The following WDR59 variants were observed in gnomAD, a reference collection of about 807,000 sequenced individuals.
WDR59 encodes the protein WD repeat domain 59.
Under a neutral mutation model 131.2 loss-of-function variants are expected in WDR59, and 100 were observed. The observed-to-expected ratio is 0.76, with a 90% confidence interval of 0.65 to 0.90. The LOEUF (loss-of-function observed/expected upper bound fraction) is 0.90, where lower values mean the gene tolerates loss of function less well. Among genes scored for constraint, WDR59 ranks in the 40% least tolerant of loss-of-function variants. The pLI is 0.00. For missense variants in WDR59, 1,203 were observed against 1,262.2 expected (o/e 0.95, Z 0.71); for synonymous variants, 601 against 466.2 (o/e 1.29, Z -3.72).
At position 74,885,789 on chromosome 16, in the gene WDR59, C is replaced by G; in HGVS notation, c.2553G>C (p.Leu851=). 1 of 1,609,836 alleles carries G rather than the reference C, an allele frequency of 6.2e-7. No individual in the cohort carries two copies. Among genetic ancestry groups the G allele is most frequent in the Non-Finnish European group, 8.5e-7 (1 of 1,179,092 alleles). ...CAAATTGCTGGGTATTGGCGGGGTC[C>G]AGGAGCCTGGATAAAGTTAAAAAGA... ...RDQHDKNKRL[L]DPANTQQFDD... The change falls in exon 25 of 26, where the codon CTG becomes CTC. Residue 851 remains leucine, a synonymous_variant. Transcript: ENST00000262144.
At chr16:74,981,625 T>TATATACATATATATATATATAC (rs1406680155) in intron 1 of WDR59, among the ~76,000 whole-genome samples, 1 of 1,318 alleles carries the variant, frequency 7.6e-4, no homozygotes, top group African/African-American at 1.3e-3. Flanking sequence ...TATATATATA[T>TATATACATATATATATATATAC]ATATATATAT....
intron 17 of WDR59, among the ~76,000 whole-genome samples, chr16:74,907,351 T>C (rs4887789): frequency 0.36 from 54,490 of 152,044 alleles, 9,795 homozygotes; most frequent in Middle Eastern, 0.4. Flanking sequence ...TGGGAGGTGA[T>C]TGGATCATGG....
Position 74,886,177 on chromosome 16 carries a change from C to CAAAA in WDR59, c.2546+89_2546+92dup, listed in dbSNP as rs777732079. ...TAGTGACCGGGTAAGATTCTGTGTCCAAAAAAAAAAAAAGTAAGAGTTGTG... is the reference window on the plus strand; with the variant it reads ...TAGTGACCGGGTAAGATTCTGTGTCCAAAAAAAAAAAAAAAAAGTAAGAGTTGTG... On this transcript the variant is annotated intron_variant, in intron 24 of 25. Transcript: ENST00000262144. 5.7e-4 allele frequency: 581 copies of CAAAA among 1,018,728 alleles called. 8 individuals carry two copies. Among genetic ancestry groups the CAAAA allele is most frequent in the Middle Eastern group, 4.5e-3 (16 of 3,566 alleles). The allele number at this position is 1,018,728 out of a possible 1,614,324, so 63.1% of individuals were successfully genotyped here.
intron 11 of WDR59, among the ~76,000 whole-genome samples, chr16:74,917,705 A>T (rs1421860712): frequency 6.7e-6 from 1 of 149,196 alleles, no homozygotes; most frequent in Non-Finnish European, 1.5e-5. Context: ...GCTACTCAGG[A>T]GGCTGACGCA....
chr16:74,876,695 A>G (rs922889216), intron 25 of WDR59, among the ~76,000 whole-genome samples: 1 of 152,132 alleles, frequency 6.6e-6, no homozygotes, highest in Admixed American at 6.6e-5. Context: ...CTAAATTCAC[A>G]AAGACAGAAA....
At chr16:74,974,625 G>C (rs1196598737) in intron 1 of WDR59, among the ~76,000 whole-genome samples, 1 of 152,152 alleles carries the variant, frequency 6.6e-6, no homozygotes, top group Non-Finnish European at 1.5e-5. Context: ...TAACTAGTAA[G>C]AGAGCCTCCC....
intron 18 of WDR59, among the ~76,000 whole-genome samples, chr16:74,903,018 C>A (rs1368343212): frequency 1.3e-5 from 2 of 152,126 alleles, no homozygotes; most frequent in Admixed American, 1.3e-4. Flanking sequence ...TAGTCACATA[C>A]AACCCTAAAA....
At chr16:74,907,964 C>T (rs1965900498) in intron 17 of WDR59, among the ~76,000 whole-genome samples, 1 of 152,178 alleles carries the variant, frequency 6.6e-6, no homozygotes, top group African/African-American at 2.4e-5. Context: ...GGCACGTTGG[C>T]TCTGAAGTCT....
intron 7 of WDR59, among the ~76,000 whole-genome samples, chr16:74,939,236 C>A (rs1204328493): frequency 6.6e-6 from 1 of 152,020 alleles, no homozygotes; most frequent in Non-Finnish European, 1.5e-5. Context: ...CCACTTTTCC[C>A]AGCCCAAAAT....
intron 1 of WDR59, among the ~76,000 whole-genome samples, chr16:74,979,772 C>T (rs1023921171): frequency 8.0e-5 from 12 of 149,724 alleles, no homozygotes; most frequent in African/African-American, 2.9e-4. Context: ...AACTCCCAAC[C>T]TCAAGATCCG....
intron 25 of WDR59, among the ~76,000 whole-genome samples, chr16:74,881,897 G>GA (rs941081537): frequency 0.02 from 2,848 of 141,600 alleles, 94 homozygotes; most frequent in African/African-American, 0.068. Context: ...AGAAAAAAAA[G>GA]AAAAAAAAAA....
chr16:74,959,602 G>GA (rs757485911), intron 2 of WDR59: 104 of 420,434 alleles, frequency 2.5e-4, no homozygotes, highest in Admixed American at 6.2e-4. Flanking sequence ...TCTGCATAAA[G>GA]AAAAAAAAAT....
intron 25 of WDR59, among the ~76,000 whole-genome samples, chr16:74,879,842 G>A (rs989313090): frequency 4.6e-5 from 7 of 152,136 alleles, no homozygotes; most frequent in Non-Finnish European, 1.0e-4. Context: ...CAATGGGTAA[G>A]TACCACACAA....
At chr16:74,929,124 G>C (rs941358169) in intron 8 of WDR59, among the ~76,000 whole-genome samples, 9 of 152,206 alleles carry the variant, frequency 5.9e-5, no homozygotes, top group South Asian at 2.1e-4. Context: ...GCCCGGGCTG[G>C]AGTGCAGTGG....
chr16:74,977,944 A>G (rs1030496477), intron 1 of WDR59, among the ~76,000 whole-genome samples: 1 of 152,102 alleles, frequency 6.6e-6, no homozygotes, highest in Non-Finnish European at 1.5e-5. Flanking sequence ...GTGGTGGCTC[A>G]TGCCTGTAAT....
In WDR59 at chr16:74,949,729, A is replaced by G; in HGVS notation, c.396T>C (p.Ile132=). The G allele has an allele frequency of 6.2e-7, 1 of 1,613,830 alleles. No individual in the cohort carries two copies. Among genetic ancestry groups the G allele is most frequent in the Non-Finnish European group, 8.5e-7 (1 of 1,179,840 alleles). The change falls in exon 5 of 26, where the codon ATT becomes ATC. Residue 132 remains isoleucine (I), a synonymous_variant. Transcript: ENST00000262144. ...VTSSVDTYIY[I]WDIKDTRKPT... ...CTAATTGTTCTTACTTGATATCCCA[A>G]ATGTAGATGTAGGTGTCCACAGAGC...
intron 25 of WDR59, among the ~76,000 whole-genome samples, chr16:74,883,415 T>C (rs146240866): frequency 0.015 from 2,292 of 152,260 alleles, 41 homozygotes; most frequent in African/African-American, 0.05. Flanking sequence ...CCGACAACAG[T>C]TCAGGGTTCA....
chr16:74,915,059 C>T (rs1966296270), intron 13 of WDR59, among the ~76,000 whole-genome samples: 1 of 152,180 alleles, frequency 6.6e-6, no homozygotes, highest in African/African-American at 2.4e-5. Context: ...ACAGGCTAAG[C>T]AAACAAAGAA....
intron 3 of WDR59, among the ~76,000 whole-genome samples, chr16:74,954,482 T>G (rs2033180169): frequency 6.6e-6 from 1 of 152,146 alleles, no homozygotes; most frequent in African/African-American, 2.4e-5. Flanking sequence ...CTATAATTTT[T>G]TTAAAAATAC....
Sources: allele counts gnomAD v4.1 joint callset (sites outside exome capture counted in the v4.1 genomes callset), GRCh38; gene constraint gnomAD v4.1.1; transcripts MANE v1.5; gene names NCBI Gene and HGNC (gene_info 2026-07-23, HGNC 2026-07-21).